TRMT1: variants seen among roughly 807,000 people sequenced by gnomAD.
TRMT1 encodes tRNA methyltransferase 1.
In TRMT1, 63 loss-of-function variants were observed where a neutral mutation model predicts 75.4. That is an observed-to-expected ratio of 0.84 (90% CI 0.68 to 1.03). TRMT1 has a LOEUF of 1.03. Ranked by LOEUF, TRMT1 falls within the 50% of genes least tolerant of loss-of-function variation. The pLI, the probability that TRMT1 is intolerant of heterozygous loss-of-function variation, is 0.00. For missense variants in TRMT1, 870 were observed against 905.3 expected, an observed-to-expected ratio of 0.96 and a Z score of 0.50; for synonymous variants, 382 against 358.1, an observed-to-expected ratio of 1.07 and a Z score of -0.75.
intron 5 of TRMT1, 43 bp downstream of exon 5, chr19:13,115,236 G>C: frequency 6.4e-7 from 1 of 1,562,646 alleles, no homozygotes; most frequent in Non-Finnish European, 8.7e-7. Flanking sequence ...TTTGACCCCA[G>C]GCAGGCTTGT....
chr19:13,111,041 C>T (rs2019118913), intron 7 of TRMT1, among the ~76,000 whole-genome samples: 1 of 152,188 alleles, frequency 6.6e-6, no homozygotes, highest in Non-Finnish European at 1.5e-5. Flanking sequence ...GGGCTGACTT[C>T]ATGACAGGAC....
rs1348518262 is a variant in TRMT1 at position 13,115,383 on chromosome 19, A to G, written c.537T>C (p.Ser179=). Residue 179 remains serine, a synonymous_variant, in exon 5 of 17, where the codon TCT becomes TCC. Coordinates refer to ENST00000357720, the MANE Select transcript of TRMT1 (RefSeq NM_001136035.4). The part of the protein sequence containing the change: ...RFALEVPGLR[S]VVANDASTRA... ...GGGTGGAGGCATCGTTTGCAACCACAGATCTGAGCCCAGGCACCTCTAGGG... is the reference window on the plus strand; with the variant it reads ...GGGTGGAGGCATCGTTTGCAACCACGGATCTGAGCCCAGGCACCTCTAGGG... 2 of 1,614,132 alleles carry G rather than the reference A, an allele frequency of 1.2e-6. No individual in the cohort carries two copies. The highest frequency in any genetic ancestry group is 1.7e-6 in the Non-Finnish European group (2 of 1,180,032).
intron 5 of TRMT1, among the ~76,000 whole-genome samples, chr19:13,115,005 T>C (rs1331114096): frequency 1.3e-5 from 2 of 152,204 alleles, no homozygotes. Context: ...GGATATACTA[T>C]GGCTCATTTG....
chr19:13,106,597 T>A (rs894535232), intron 14 of TRMT1, among the ~76,000 whole-genome samples: 2 of 149,442 alleles, frequency 1.3e-5, no homozygotes, highest in African/African-American at 4.9e-5. Flanking sequence ...TGCCTCAGCC[T>A]CCCGAGTAGC....
chr19:13,116,006 C>T lies in TRMT1; in HGVS notation c.301G>A (p.Gly101Arg). 1 of 1,613,946 alleles carries T rather than the reference C, an allele frequency of 6.2e-7. No homozygotes were observed. The highest frequency in any genetic ancestry group is 1.1e-5 in the South Asian group (1 of 91,088). ...CTGGACCTCCACTCACTCTGGATTC[C>T]TTTGGCCCCAAGCTGAATGCGAGCA... is the stretch of plus-strand genomic sequence containing the variant. The part of the protein sequence containing the change: ...EFARIQLGAK[G>R]IQIKVPGEKD... Residue 101 changes from glycine (G) to arginine (R), a missense_variant, in exon 3 of 17, where the codon GGA becomes AGA. Coordinates refer to ENST00000357720, the MANE Select transcript of TRMT1 (RefSeq NM_001136035.4).
rs748267783 is a variant in TRMT1 at position 13,109,365 on chromosome 19, C to A, written c.1397+16G>T. ...GTGGTCTGGGACAGGCTCCTCCCGA[C>A]CCCAGGGGCTCTTACCGCAACTGCA... On this transcript the variant is annotated intron_variant, in intron 12 of 16. Coordinates refer to ENST00000357720, the MANE Select transcript of TRMT1 (RefSeq NM_001136035.4). 1.9e-6 allele frequency: 3 copies of A among 1,612,028 alleles called. No individual in the cohort carries two copies. The highest frequency in any genetic ancestry group is 2.7e-5 in the African/African-American group (2 of 74,776).
Position 13,115,316 on chromosome 19 carries a change from C to CG in TRMT1, c.603dup (p.Val202ArgfsTer27). The stretch of plus-strand genomic sequence containing the variant: ...TGGCTCGGCTGTACCAGGTGGGCCA[C>CG]GTCATTGAGCTGGACATTCCGGCGT... On this transcript the variant is annotated frameshift_variant, in exon 5 of 17. Coordinates refer to ENST00000357720, the MANE Select transcript of TRMT1 (RefSeq NM_001136035.4). LOFTEE classifies it high-confidence loss of function. 6.2e-7 allele frequency: 1 copy of CG among 1,613,744 alleles called. No individual in the cohort carries two copies. Among genetic ancestry groups the CG allele is most frequent in the Non-Finnish European group, 8.5e-7 (1 of 1,179,918 alleles).
intron 7 of TRMT1, among the ~76,000 whole-genome samples, chr19:13,110,981 C>G (rs1039747387): frequency 6.6e-6 from 1 of 152,112 alleles, no homozygotes; most frequent in Non-Finnish European, 1.5e-5. Context: ...ACGGCTAGGG[C>G]TTTCCTGCTA....
intron 14 of TRMT1, 61 bp downstream of exon 14, chr19:13,107,513 C>A: frequency 6.5e-7 from 1 of 1,534,356 alleles, no homozygotes; most frequent in Non-Finnish European, 8.9e-7. Flanking sequence ...GTTGTCTGCA[C>A]ACACATGTGC....
In TRMT1 at chr19:13,109,371, G is replaced by C; in HGVS notation, c.1397+10C>G. 1.9e-6 allele frequency: 3 copies of C among 1,612,226 alleles called. No individual in the cohort carries two copies. The highest frequency in any genetic ancestry group is 2.5e-6 in the Non-Finnish European group (3 of 1,179,964). ...TGGGACAGGCTCCTCCCGACCCCAGGGGCTCTTACCGCAACTGCAGGAGGC... is the reference window on the plus strand; with the variant it reads ...TGGGACAGGCTCCTCCCGACCCCAGCGGCTCTTACCGCAACTGCAGGAGGC... On this transcript the variant is annotated intron_variant, in intron 12 of 16. Coordinates refer to ENST00000357720, the MANE Select transcript of TRMT1 (RefSeq NM_001136035.4).
In TRMT1 at chr19:13,113,002, C is replaced by T. The variant is rs764969185; in HGVS notation, c.651G>A (p.Met217Ile). 6 of 1,609,850 alleles carry T rather than the reference C, an allele frequency of 3.7e-6. No individual in the cohort carries two copies. The African/African-American group carries it at 8.0e-5, about 22-fold the overall frequency. Residue 217 changes from methionine to isoleucine, a missense_variant, in exon 6 of 17, where the codon ATG becomes ATA. Coordinates refer to ENST00000357720, the MANE Select transcript of TRMT1 (RefSeq NM_001136035.4). ...TCTCCGACACCCTCTGGTGCTGGTA[C>T]ATCAGCATCCTGGGTGCAAAGAGGG... ...QPSQADARML[M>I]YQHQRVSERF...
At chr19:13,108,451 T>C (rs111908806) in intron 12 of TRMT1, among the ~76,000 whole-genome samples, 16,399 of 151,650 alleles carry the variant, frequency 0.11, 1,123 homozygotes, top group Non-Finnish European at 0.16. Flanking sequence ...CCATGACGCC[T>C]GGCTAATATT....
chr19:13,116,452 G>A, intron 1 of TRMT1, 21 bp from the exon 2 acceptor site: 1 of 1,571,292 alleles, frequency 6.4e-7, no homozygotes, highest in South Asian at 1.1e-5. Flanking sequence ...GGGCGGGGGA[G>A]GGCACAGAGA....
rs538878878 is a variant in TRMT1, at chr19:13,112,076, G to A, written c.870+629C>T. Among the ~76,000 whole-genome samples, 8 of 150,562 alleles carry A rather than the reference G, an allele frequency of 5.3e-5. No individual in the cohort carries two copies. In the East Asian group the frequency reaches 9.8e-4, roughly 19 times the overall value. Reference sequence around the variant, plus strand: ...AGTGATCTTGGCTCACTGCAACCTCGCCTCCTGGGTTCAAGTGATTCTCCT... The same window carrying A: ...AGTGATCTTGGCTCACTGCAACCTCACCTCCTGGGTTCAAGTGATTCTCCT... On this transcript the variant is annotated intron_variant, in intron 7 of 16. Coordinates refer to ENST00000357720, the MANE Select transcript of TRMT1 (RefSeq NM_001136035.4).
intron 1 of TRMT1, 35 bp from the exon 2 acceptor site, chr19:13,116,466 T>A: frequency 6.5e-7 from 1 of 1,540,326 alleles, no homozygotes; most frequent in Non-Finnish European, 8.7e-7. Context: ...ACAGAGAGGG[T>A]CAGAGAGCCG....
chr19:13,115,545 C>T (rs2019309005), intron 4 of TRMT1, 79 bp from the exon 5 acceptor site: 4 of 1,600,270 alleles, frequency 2.5e-6, no homozygotes, highest in Non-Finnish European at 3.4e-6. Flanking sequence ...CCACCACCCA[C>T]CTCCTATAGC....
intron 7 of TRMT1, among the ~76,000 whole-genome samples, chr19:13,112,327 A>C (rs1440355779): frequency 6.6e-6 from 1 of 152,204 alleles, no homozygotes; most frequent in African/African-American, 2.4e-5. Flanking sequence ...GATGCAAAAA[A>C]ACCCGAGGAC....
intron 7 of TRMT1, among the ~76,000 whole-genome samples, chr19:13,111,153 C>G (rs1242508936): frequency 3.9e-5 from 6 of 152,114 alleles, no homozygotes; most frequent in African/African-American, 1.4e-4. Flanking sequence ...AAGTGATCCT[C>G]CTGCCTCAGC....
intron 14 of TRMT1, among the ~76,000 whole-genome samples, chr19:13,106,063 A>G (rs2018855035): frequency 6.6e-6 from 1 of 151,698 alleles, no homozygotes; most frequent in Non-Finnish European, 1.5e-5. Flanking sequence ...CTCTGTCTAA[A>G]AAAAAATAAA....
Sources: allele counts gnomAD v4.1 joint callset (sites outside exome capture counted in the v4.1 genomes callset), GRCh38; gene constraint gnomAD v4.1.1; transcripts MANE v1.5; gene names NCBI Gene and HGNC (gene_info 2026-07-23, HGNC 2026-07-21).